DLEC1: variants seen among roughly 807,000 people sequenced by gnomAD.
DLEC1 encodes DLEC1 cilia and flagella associated protein.
DLEC1 carries 146 observed loss-of-function variants against 198.1 expected under a neutral mutation model. The ratio of observed to expected loss-of-function variants is 0.74; its 90% CI spans 0.64 to 0.85. The LOEUF (loss-of-function observed/expected upper bound fraction) is 0.85, where lower values mean the gene tolerates loss of function less well. Among genes scored for constraint, DLEC1 ranks in the 40% least tolerant of loss-of-function variants. The probability of loss-of-function intolerance (pLI) is 0.00; values close to 1 mark genes in which losing one functional copy is unlikely to be tolerated. For missense variants in DLEC1, 2,233 were observed against 2,220.0 expected (o/e 1.01, Z -0.12); for synonymous variants, 897 against 866.8 (o/e 1.03, Z -0.61).
At chr3:38,109,982 C>A in intron 22 of DLEC1, 117 bp from the exon 23 acceptor site, 1 of 1,183,240 alleles carries the variant, frequency 8.5e-7, no homozygotes, top group Non-Finnish European at 1.2e-6. Flanking sequence ...AAACAGGAGT[C>A]TGAGGATGAA....
At chr3:38,101,751 C>T (rs948948740) in intron 19 of DLEC1, among the ~76,000 whole-genome samples, 2 of 152,132 alleles carry the variant, frequency 1.3e-5, no homozygotes, top group Admixed American at 6.5e-5. Context: ...GTTCAAATGT[C>T]CCCTCCTGTG....
At chr3:38,094,761 T>C (rs1698920262) in intron 12 of DLEC1, 118 bp from the exon 13 acceptor site, 2 of 1,214,814 alleles carry the variant, frequency 1.6e-6, no homozygotes, top group Non-Finnish European at 2.3e-6. Flanking sequence ...CTGACCTGGT[T>C]TCTTCCTGTT....
rs992947724 is a variant in DLEC1, at chr3:38,039,304, A to G, written c.79A>G (p.Thr27Ala). The change falls in exon 1 of 37, where the codon ACT (threonine) becomes GCT (alanine). Residue 27 changes from threonine to alanine, a missense_variant. By Grantham distance (58) the Thr-to-Ala change is moderately conservative. Coordinates refer to ENST00000308059, the MANE Select transcript of DLEC1 (RefSeq NM_007335.4). ...NECQGTMWAP[T>A]SPPAGSSSPS... is the part of the protein sequence containing the mutation. Reference sequence around the variant, plus strand: ...GTGCCAGGGGACAATGTGGGCGCCAACTTCGCCACCAGCCGGGTCCAGCAG... The same window carrying G: ...GTGCCAGGGGACAATGTGGGCGCCAGCTTCGCCACCAGCCGGGTCCAGCAG... 2 of 1,614,194 alleles carry G rather than the reference A, an allele frequency of 1.2e-6. No individual in the cohort carries two copies. The highest frequency in any genetic ancestry group is 1.7e-5 in the Admixed American group (1 of 60,024).
At position 38,100,306 on chromosome 3, in the gene DLEC1, G is replaced by C; in HGVS notation, c.2745G>C (p.Glu915Asp). ...GGCAGGTGTCTCCCTTCGACATTGA[G>C]CCTTCGAGTGGCCAGCTTCACTCTC... ...RPEDVSPFDI[E>D]PSSGQLHSLG... Residue 915 changes from glutamate to aspartate, a missense_variant, in exon 19 of 37, where the codon GAG (glutamate) becomes GAC (aspartate). Physicochemically the swap from Glu to Asp is conservative, Grantham distance 45. Transcript: ENST00000308059. 6.2e-7 allele frequency: 1 copy of C among 1,612,772 alleles called. No homozygotes were observed. The highest frequency in any genetic ancestry group is 8.5e-7 in the Non-Finnish European group (1 of 1,179,574).
chr3:38,076,518 T>C (rs1697630520), intron 6 of DLEC1, among the ~76,000 whole-genome samples: 1 of 152,100 alleles, frequency 6.6e-6, no homozygotes, highest in African/African-American at 2.4e-5. Context: ...GGGGAGCTTT[T>C]TGAGCCAGGA....
rs371147939 is a variant in DLEC1 at position 38,110,170 on chromosome 3, G to A, written c.3332G>A (p.Arg1111His). 41 of 1,614,072 alleles carry A rather than the reference G, an allele frequency of 2.5e-5. No homozygotes were observed. The highest frequency in any genetic ancestry group is 1.4e-5 in the Non-Finnish European group (16 of 1,180,042). Residue 1111 changes from arginine to histidine, a missense_variant, in exon 23 of 37, where the codon CGT becomes CAT. Arg to His is a conservative substitution (Grantham distance 29, BLOSUM62 0). Coordinates refer to ENST00000308059, the MANE Select transcript of DLEC1 (RefSeq NM_007335.4). ...DFGSAVPLRTRVTRQLILTNR... is the reference protein window; with the variant it reads ...DFGSAVPLRTHVTRQLILTNR... The stretch of plus-strand genomic sequence containing the variant: ...GGCTCAGCGGTGCCACTGAGGACCC[G>A]TGTGACTCGCCAGCTCATTCTCACC...
chr3:38,058,280 G>A (rs748662760), intron 2 of DLEC1, among the ~76,000 whole-genome samples: 1 of 152,146 alleles, frequency 6.6e-6, no homozygotes, highest in Non-Finnish European at 1.5e-5. Context: ...GGATGAAGGG[G>A]AATGAGATTT....
chr3:38,081,670 A>AC (rs1304177119), intron 6 of DLEC1, among the ~76,000 whole-genome samples: 3 of 56,136 alleles, frequency 5.3e-5, no homozygotes, highest in African/African-American at 1.7e-4. Flanking sequence ...GGGGGGGCTG[A>AC]CCCCCCCATC....
At chr3:38,115,481 G>A (rs1700104052) in intron 27 of DLEC1, among the ~76,000 whole-genome samples, 1 of 151,866 alleles carries the variant, frequency 6.6e-6, no homozygotes, top group South Asian at 2.1e-4. Flanking sequence ...CCCCTGTGGA[G>A]GGGAGGCAGA....
intron 18 of DLEC1, among the ~76,000 whole-genome samples, chr3:38,099,722 T>C (rs113378174): frequency 0.067 from 8,153 of 121,120 alleles, 272 homozygotes; most frequent in Middle Eastern, 0.23. Context: ...CTCTTTCCCT[T>C]CCCCTCTCCC....
chr3:38,062,416 C>A, intron 4 of DLEC1, 48 bp downstream of exon 4: 1 of 1,608,622 alleles, frequency 6.2e-7, no homozygotes, highest in South Asian at 1.1e-5. Context: ...GACAGAGAGG[C>A]AGTGAAGGGG....
intron 22 of DLEC1, 139 bp from the exon 23 acceptor site, chr3:38,109,960 G>A: frequency 2.0e-6 from 2 of 975,734 alleles, no homozygotes; most frequent in Middle Eastern, 3.1e-4. Flanking sequence ...GTCTGTGGTT[G>A]GCAGCTCAAT....
intron 17 of DLEC1, 31 bp from the exon 18 acceptor site, chr3:38,097,713 G>A: frequency 6.2e-7 from 1 of 1,613,414 alleles, no homozygotes; most frequent in Non-Finnish European, 8.5e-7. Flanking sequence ...ATCCCCAGGT[G>A]GCCCAGTGAC....
At chr3:38,109,681 A>ATC in intron 22 of DLEC1, 119 bp downstream of exon 22, 1 of 1,527,640 alleles carries the variant, frequency 6.5e-7, no homozygotes, top group Non-Finnish European at 8.9e-7. Flanking sequence ...GCAGGCAGGA[A>ATC]AACGCCACAG....
intron 6 of DLEC1, among the ~76,000 whole-genome samples, chr3:38,066,036 G>A (rs1034956034): frequency 1.3e-5 from 2 of 152,188 alleles, no homozygotes; most frequent in East Asian, 1.9e-4. Flanking sequence ...TGAGATTCAA[G>A]TTCCATTTTT....
intron 33 of DLEC1, 49 bp downstream of exon 33, chr3:38,118,073 G>T: frequency 1.3e-6 from 2 of 1,545,674 alleles, no homozygotes; most frequent in Non-Finnish European, 1.8e-6. Context: ...ACCCTCACAT[G>T]TGTACAGACA....
At chr3:38,070,981 G>C (rs906717913) in intron 6 of DLEC1, among the ~76,000 whole-genome samples, 2 of 152,112 alleles carry the variant, frequency 1.3e-5, no homozygotes, top group African/African-American at 4.8e-5. Flanking sequence ...AAATAGTGTT[G>C]AAGTGTTGGG....
At chr3:38,105,581 T>A (rs187362853) in intron 19 of DLEC1, among the ~76,000 whole-genome samples, 1 of 152,280 alleles carries the variant, frequency 6.6e-6, no homozygotes, top group East Asian at 1.9e-4. Context: ...TTCATATATC[T>A]CCTGGAGCTC....
rs1700605919 is a variant in DLEC1 at position 38,123,849 on chromosome 3, A to AAAT, written c.*1438_*1440dup. On this transcript the variant is annotated 3_prime_UTR_variant, in exon 37 of 37. Transcript: ENST00000308059. Reference sequence around the variant, plus strand: ...AACCCTGTCTCCACCAAAAATACAAAAATTAGCTGGGTGTGGTGGCAGACA... The same window carrying AAAT: ...AACCCTGTCTCCACCAAAAATACAAAAATAATTAGCTGGGTGTGGTGGCAGACA... 6.6e-6 allele frequency: 1 copy of AAAT among 151,952 alleles called. No homozygotes were observed. The highest frequency in any genetic ancestry group is 1.5e-5 in the Non-Finnish European group (1 of 68,018). 9.4% of individuals were successfully genotyped at this position (151,952 alleles called of 1,614,324 possible).
Sources: allele counts gnomAD v4.1 joint callset (sites outside exome capture counted in the v4.1 genomes callset), GRCh38; gene constraint gnomAD v4.1.1; transcripts MANE v1.5; gene names NCBI Gene and HGNC (gene_info 2026-07-23, HGNC 2026-07-21).